Variants in C6 observed in about 807,000 individuals in gnomAD.
The protein encoded by C6 is complement C6.
C6 carries 101 observed loss-of-function variants against 112.9 expected under a neutral mutation model. The ratio of observed to expected loss-of-function variants is 0.89; its 90% CI spans 0.76 to 1.06. C6 has a LOEUF of 1.06. Among genes scored for constraint, C6 ranks in the 50% least tolerant of loss-of-function variants. C6 has a pLI of 0.00. For synonymous variants in C6, 431 were observed against 384.1 expected, an observed-to-expected ratio of 1.12 and a Z score of -1.43; for missense variants, 1,202 against 1,104.6, an observed-to-expected ratio of 1.09 and a Z score of -1.25.
At chr5:41,160,445 A>G (rs1425618442) in intron 10 of C6, 78 bp from the exon 11 acceptor site, 1 of 1,110,918 alleles carries the variant, frequency 9.0e-7, no homozygotes, top group African/African-American at 1.5e-5. Flanking sequence ...AGTTCTCTGA[A>G]ATGAGAGGGA....
chr5:41,150,162 A>G, intron 15 of C6, 137 bp from the exon 16 acceptor site: 1 of 682,498 alleles, frequency 1.5e-6, no homozygotes, highest in Non-Finnish European at 2.7e-6. Context: ...TGGCTTCTCT[A>G]AATACATTGT....
intron 1 of C6, among the ~76,000 whole-genome samples, chr5:41,232,500 T>C (rs1331469566): frequency 4.6e-5 from 7 of 152,174 alleles, no homozygotes; most frequent in African/African-American, 1.4e-4. Context: ...TTAGCTTTTA[T>C]GGTTGCTTTT....
chr5:41,149,193 G>A, intron 17 of C6, 48 bp downstream of exon 17: 1 of 1,606,906 alleles, frequency 6.2e-7, no homozygotes, highest in Non-Finnish European at 8.5e-7. Flanking sequence ...TACTAGCTGA[G>A]ATGAAGGTTA....
chr5:41,225,695 G>T (rs1580224869), intron 1 of C6, among the ~76,000 whole-genome samples: 1 of 152,120 alleles, frequency 6.6e-6, no homozygotes, highest in Non-Finnish European at 1.5e-5. Flanking sequence ...CAGTGTAAAA[G>T]TGTTCCTGTT....
chr5:41,208,775 C>T (rs1239646065), intron 1 of C6, among the ~76,000 whole-genome samples: 3 of 151,932 alleles, frequency 2.0e-5, no homozygotes, highest in African/African-American at 4.8e-5. Context: ...GATTCACAGC[C>T]GAATTCTACC....
rs191402179 is a variant in C6 at position 41,142,289 on chromosome 5, T to C, written c.*536A>G. The C allele has an allele frequency of 1.3e-5, 2 of 158,422 alleles. No homozygotes were observed. The highest frequency in any genetic ancestry group is 1.2e-4 in the Admixed American group (2 of 16,894). The allele number at this position is 158,422 out of a possible 1,614,324, so 9.8% of individuals were successfully genotyped here. A position where few individuals can be genotyped will look rare whatever the true frequency, so the allele number is the denominator to read the frequency against. ...TTGTGTGTCTACCCCTGAATGAATG[T>C]ATGCTTCATGAAGGCAAAGGCTTTT... On this transcript the variant is annotated 3_prime_UTR_variant, in exon 18 of 18. Coordinates refer to ENST00000337836, the MANE Select transcript of C6 (RefSeq NM_000065.5).
At chr5:41,171,213 C>T (rs1241167468) in intron 9 of C6, among the ~76,000 whole-genome samples, 1 of 152,068 alleles carries the variant, frequency 6.6e-6, no homozygotes, top group Non-Finnish European at 1.5e-5. Flanking sequence ...ATGAATTGTG[C>T]ATGGTTACTT....
intron 1 of C6, among the ~76,000 whole-genome samples, chr5:41,231,218 G>A (rs974880888): frequency 2.0e-5 from 3 of 152,020 alleles, no homozygotes; most frequent in Admixed American, 6.6e-5. Context: ...TGAAAGATAA[G>A]GATTTACTTG....
intron 1 of C6, among the ~76,000 whole-genome samples, chr5:41,260,441 CAAAT>C (rs1741977039): frequency 1.5e-5 from 2 of 137,720 alleles, no homozygotes; most frequent in South Asian, 2.4e-4. Flanking sequence ...TAAAAACAAA[CAAAT>C]AAACCCCCCC....
In C6 at chr5:41,224,582, CT is replaced by C. The variant is rs200511807; in HGVS notation, c.-20-21333del. ...ATGTTGACCATGTATTAGTATGTTC[CT>C]TTTTTTTTTATTGCTGAATAACACT... On this transcript the variant is annotated intron_variant, in intron 1 of 17. Transcript: ENST00000263413. Among the ~76,000 whole-genome samples, 705 of 147,326 alleles carry C rather than the reference CT, an allele frequency of 4.8e-3. 13 individuals carry two copies. Among genetic ancestry groups the C allele is most frequent in the East Asian group, 0.046 (235 of 5,080 alleles).
intron 5 of C6, among the ~76,000 whole-genome samples, chr5:41,188,953 A>G (rs1749991226): frequency 6.6e-6 from 1 of 152,092 alleles, no homozygotes; most frequent in African/African-American, 2.4e-5. Context: ...TTAAACCATG[A>G]GCAAATAATT....
At chr5:41,185,470 T>A (rs1224657184) in intron 6 of C6, among the ~76,000 whole-genome samples, 1 of 152,206 alleles carries the variant, frequency 6.6e-6, no homozygotes, top group Non-Finnish European at 1.5e-5. Flanking sequence ...AGAAGCAGAT[T>A]ACTCACTTTA....
intron 1 of C6, among the ~76,000 whole-genome samples, chr5:41,244,746 C>A (rs1267698017): frequency 1.3e-5 from 2 of 151,834 alleles, no homozygotes; most frequent in Non-Finnish European, 2.9e-5. Flanking sequence ...TGATTCTCTT[C>A]TACATAATAA....
chr5:41,169,011 G>C (rs1368143711), intron 9 of C6, among the ~76,000 whole-genome samples: 1 of 152,062 alleles, frequency 6.6e-6, no homozygotes, highest in Non-Finnish European at 1.5e-5. Flanking sequence ...GCCTGAAGAA[G>C]GTGAGAAAGT....
At chr5:41,252,203 GT>G (rs748196882) in intron 1 of C6, among the ~76,000 whole-genome samples, 1 of 152,318 alleles carries the variant, frequency 6.6e-6, no homozygotes, top group Non-Finnish European at 1.5e-5. Flanking sequence ...CATGAGCATT[GT>G]GTATTCAAAG....
At chr5:41,257,428 G>A (rs1741789135) in intron 1 of C6, among the ~76,000 whole-genome samples, 1 of 151,850 alleles carries the variant, frequency 6.6e-6, no homozygotes, top group Non-Finnish European at 1.5e-5. Flanking sequence ...CTGTTAATGG[G>A]CATCTAGATA....
intron 5 of C6, among the ~76,000 whole-genome samples, chr5:41,192,019 C>T (rs1394069366): frequency 3.3e-5 from 5 of 151,918 alleles, no homozygotes; most frequent in Admixed American, 1.3e-4. Context: ...TTTTCTCTAC[C>T]CAGTATGATG....
chr5:41,231,033 T>A (rs1044105136), intron 1 of C6, among the ~76,000 whole-genome samples: 6 of 152,176 alleles, frequency 3.9e-5, no homozygotes, highest in African/African-American at 1.4e-4. Context: ...GTTTACTATT[T>A]GCATGGAGTA....
intron 5 of C6, among the ~76,000 whole-genome samples, chr5:41,187,145 T>C (rs1033017109): frequency 6.6e-6 from 1 of 152,182 alleles, no homozygotes; most frequent in African/African-American, 2.4e-5. Context: ...GTAGTGTAGT[T>C]CTACAGAATA....
Sources: allele counts gnomAD v4.1 joint callset (sites outside exome capture counted in the v4.1 genomes callset), GRCh38; gene constraint gnomAD v4.1.1; transcripts MANE v1.5; gene names NCBI Gene and HGNC (gene_info 2026-07-23, HGNC 2026-07-21).